Variants in IYD observed in about 807,000 individuals in gnomAD.
The protein encoded by IYD is iodotyrosine deiodinase 1.
In IYD, 25 loss-of-function variants were observed where a neutral mutation model predicts 28.4. The observed-to-expected ratio is 0.88, with a 90% CI of 0.64 to 1.23. The LOEUF (loss-of-function observed/expected upper bound fraction) is 1.23, where lower values mean the gene tolerates loss of function less well. IYD is among the 50% of genes most tolerant of loss of function. The probability of loss-of-function intolerance (pLI) is 0.00; values close to 1 mark genes in which losing one functional copy is unlikely to be tolerated. For missense variants in IYD, 352 were observed against 357.9 expected, an observed-to-expected ratio of 0.98 and a Z score of 0.13; for synonymous variants, 140 against 130.8, an observed-to-expected ratio of 1.07 and a Z score of -0.48.
intron 2 of IYD, among the ~76,000 whole-genome samples, chr6:150,389,784 T>C (rs1417326270): frequency 6.6e-6 from 1 of 152,218 alleles, no homozygotes; most frequent in Non-Finnish European, 1.5e-5. Flanking sequence ...TCTGAAATTA[T>C]TCAGTTCATG....
intron 1 of IYD, among the ~76,000 whole-genome samples, chr6:150,374,643 C>A (rs945563754): frequency 2.0e-5 from 3 of 152,142 alleles, no homozygotes; most frequent in Admixed American, 1.3e-4. Flanking sequence ...GGAAACTGCC[C>A]CCATGATTCA....
In IYD at chr6:150,398,981, G is replaced by A. The variant is rs578192509; in HGVS notation, c.*744G>A. On this transcript the variant is annotated 3_prime_UTR_variant, in exon 5 of 5. Transcript: ENST00000344419. ...ATCCGGGAGGTAGAGATTGCAGTGA[G>A]TCAAGATGCTGAGATGCCACCACTG... 1 of 152,324 alleles carries A rather than the reference G, an allele frequency of 6.6e-6. No homozygotes were observed. The highest frequency in any genetic ancestry group is 2.1e-4 in the South Asian group (1 of 4,810). The allele number at this position is 152,324 out of a possible 1,614,324, so 9.4% of individuals were successfully genotyped here.
chr6:150,369,207 A>G lies in IYD; in HGVS notation c.176A>G (p.Glu59Gly). 1 of 1,612,092 alleles carries G rather than the reference A, an allele frequency of 6.2e-7. No homozygotes were observed. The highest frequency in any genetic ancestry group is 8.5e-7 in the Non-Finnish European group (1 of 1,179,896). Reference protein sequence around the residue: ...KDSSDLHQAEEDADEWQESEE... With the variant: ...KDSSDLHQAEGDADEWQESEE... ...AGCAGTGACCTGCACCAAGCAGAAGAAGGTAAAGACACCAGCTATGCTGCT... is the reference window on the plus strand; with the variant it reads ...AGCAGTGACCTGCACCAAGCAGAAGGAGGTAAAGACACCAGCTATGCTGCT... The change falls in exon 1 of 5, where the codon GAA (glutamate) becomes GGA (glycine). Residue 59 changes from glutamate (E) to glycine (G), a missense_variant and splice_region_variant. Transcript: ENST00000344419.
At chr6:150,386,645 T>C (rs6911342) in intron 1 of IYD, among the ~76,000 whole-genome samples, 84,755 of 151,966 alleles carry the variant, frequency 0.56, 23,833 homozygotes, top group African/African-American at 0.6. Context: ...CACTGTGTTG[T>C]GGATTTTTAC....
rs538341490 is a variant in IYD at position 150,376,850 on chromosome 6, G to A, written c.178+7641G>A. ...TTGCCCAGGCTGGTCTCGAACTCCT[G>A]GGCTCAAGCAATCCTCCTACCTCAG... On this transcript the variant is annotated intron_variant, in intron 1 of 4. Transcript: ENST00000344419. Among the ~76,000 whole-genome samples the A allele has an allele frequency of 2.0e-5, 3 of 152,164 alleles. No individual in the cohort carries two copies. In the East Asian group the frequency reaches 5.8e-4, roughly 29 times the overall value.
chr6:150,388,890 C>T (rs111370120), intron 1 of IYD, among the ~76,000 whole-genome samples: 2,553 of 152,042 alleles, frequency 0.017, 66 homozygotes, highest in African/African-American at 0.059. Context: ...TTAGTAAAGA[C>T]GGGGTTTCAC....
Position 150,370,224 on chromosome 6 carries a change from CGT to C in IYD, c.178+1027_178+1028del, listed in dbSNP as rs376701812. Among the ~76,000 whole-genome samples the C allele has an allele frequency of 5.6e-3, 836 of 150,282 alleles. 7 individuals carry two copies. Among genetic ancestry groups the C allele is most frequent in the South Asian group, 6.6e-3 (31 of 4,732 alleles). ...GAATGTGCATGTGTGTGTGCGCGTGCGTGTGTGTGTGTGCATGAGAGTGGATG... is the reference window on the plus strand; with the variant it reads ...GAATGTGCATGTGTGTGTGCGCGTGCGTGTGTGTGTGCATGAGAGTGGATG... On this transcript the variant is annotated intron_variant, in intron 1 of 4. Coordinates refer to ENST00000344419, the MANE Select transcript of IYD (RefSeq NM_203395.3).
intron 1 of IYD, among the ~76,000 whole-genome samples, chr6:150,385,391 T>G (rs1357939247): frequency 6.6e-6 from 1 of 152,146 alleles, no homozygotes; most frequent in Non-Finnish European, 1.5e-5. Context: ...AGAAAGTTCC[T>G]TTCTCCAAAT....
In IYD at chr6:150,369,165, A is replaced by G; in HGVS notation, c.134A>G (p.Asp45Gly). Reference protein sequence around the residue: ...RTRAEARPWVDEDLKDSSDLH... With the variant: ...RTRAEARPWVGEDLKDSSDLH... Reference sequence around the variant, plus strand: ...AGGGCCGAAGCTCGCCCCTGGGTGGATGAAGACTTAAAAGACAGCAGTGAC... The same window carrying G: ...AGGGCCGAAGCTCGCCCCTGGGTGGGTGAAGACTTAAAAGACAGCAGTGAC... Residue 45 changes from aspartate (D) to glycine (G), a missense_variant, in exon 1 of 5, where the codon GAT becomes GGT. By Grantham distance (94) the Asp-to-Gly change is moderately conservative (BLOSUM62 -1). Transcript: ENST00000344419. The G allele has an allele frequency of 6.2e-7, 1 of 1,613,886 alleles. No homozygotes were observed. Among genetic ancestry groups the G allele is most frequent in the Non-Finnish European group, 8.5e-7 (1 of 1,180,004 alleles).
intron 4 of IYD, among the ~76,000 whole-genome samples, chr6:150,395,181 T>C (rs971281727): frequency 2.6e-5 from 4 of 152,140 alleles, no homozygotes; most frequent in African/African-American, 9.7e-5. Flanking sequence ...TCTGATGAAC[T>C]GTATATTCTA....
chr6:150,381,531 A>C (rs538932222), intron 1 of IYD, among the ~76,000 whole-genome samples: 1 of 152,348 alleles, frequency 6.6e-6, no homozygotes, highest in South Asian at 2.1e-4. Context: ...ATAAGTATTA[A>C]GCAAAACCTT....
intron 2 of IYD, among the ~76,000 whole-genome samples, chr6:150,390,174 C>T (rs1778058625): frequency 6.6e-6 from 1 of 152,118 alleles, no homozygotes; most frequent in Non-Finnish European, 1.5e-5. Context: ...CTTACATAAA[C>T]CATATTTAAG....
chr6:150,390,675 C>T (rs748056713), intron 2 of IYD, among the ~76,000 whole-genome samples: 1 of 152,154 alleles, frequency 6.6e-6, no homozygotes, highest in Admixed American at 6.5e-5. Flanking sequence ...GGAACAGTTT[C>T]TTCTGAAATA....
chr6:150,382,845 C>T (rs1436603780), intron 1 of IYD, among the ~76,000 whole-genome samples: 4 of 152,048 alleles, frequency 2.6e-5, no homozygotes, highest in Admixed American at 2.6e-4. Context: ...CTGCCAAAGT[C>T]GTGTGTCTTG....
chr6:150,387,130 A>G (rs1777893756), intron 1 of IYD, among the ~76,000 whole-genome samples: 1 of 152,316 alleles, frequency 6.6e-6, no homozygotes. Context: ...TGTAGGCAAG[A>G]AGCCTGAAAT....
At chr6:150,373,604 T>C (rs1582767992) in intron 1 of IYD, among the ~76,000 whole-genome samples, 2 of 152,342 alleles carry the variant, frequency 1.3e-5, no homozygotes, top group East Asian at 3.9e-4. Context: ...GAGTTTTTTG[T>C]TAAATCATTA....
intron 3 of IYD, 102 bp from the exon 4 acceptor site, chr6:150,393,997 A>T: frequency 8.6e-7 from 1 of 1,164,570 alleles, no homozygotes. Flanking sequence ...AATATAAAAG[A>T]TGAGTAAATA....
At position 150,395,248 on chromosome 6, in the gene IYD, T is replaced by G. The variant is rs1778268140; in HGVS notation, c.687+993T>G. On this transcript the variant is annotated intron_variant, in intron 4 of 4. Transcript: ENST00000344419. ...AGAGATGGTAAACCCATAAAATAAA[T>G]GTAGAAAACAAGATTATAAGAGCAA... 3 of 635,346 alleles carry G rather than the reference T, an allele frequency of 4.7e-6. No homozygotes were observed. The South Asian group carries it at 6.1e-5, about 13-fold the overall frequency. The allele number at this position is 635,346 out of a possible 1,614,324, so 39.4% of individuals were successfully genotyped here.
At chr6:150,372,324 G>A (rs1369043376) in intron 1 of IYD, among the ~76,000 whole-genome samples, 51 of 130,568 alleles carry the variant, frequency 3.9e-4, no homozygotes, top group African/African-American at 1.2e-3. Context: ...TGTGTGGGTG[G>A]GGTGGGGGGT....
Sources: gnomAD v4.1 joint callset for allele counts (sites outside exome capture counted in the v4.1 genomes callset) on GRCh38, gnomAD v4.1.1 for gene constraint, MANE v1.5 for transcripts, NCBI Gene and HGNC (gene_info 2026-07-23, HGNC 2026-07-21) for gene names.